TPD52L2: variants seen among roughly 807,000 people sequenced by gnomAD.
The protein encoded by TPD52L2 is TPD52 like 2.
Under a neutral mutation model 24.7 loss-of-function variants are expected in TPD52L2, and 19 were observed. The ratio of observed to expected loss-of-function variants is 0.77; its 90% CI spans 0.54 to 1.13. TPD52L2 has a LOEUF of 1.13. TPD52L2 is among the 50% of genes most tolerant of loss of function. The pLI is 0.00. For synonymous variants in TPD52L2, 104 were observed against 100.2 expected (o/e 1.04, Z -0.23); for missense variants, 236 against 250.4 (o/e 0.94, Z 0.39).
chr20:63,889,965 G>A lies in TPD52L2; in HGVS notation c.*20G>A, dbSNP rs751892471. On this transcript the variant is annotated 3_prime_UTR_variant, in exon 7 of 7. Coordinates refer to ENST00000346249, the MANE Select transcript of TPD52L2 (RefSeq NM_003288.4). The stretch of plus-strand genomic sequence containing the variant: ...TTCTAAGCCTGTGGTTGCTTCACCC[G>A]CTGCAGAGCACACGCAACCCAGCCT... 9 of 1,613,562 alleles carry A rather than the reference G, an allele frequency of 5.6e-6. No homozygotes were observed. In the African/African-American group the frequency reaches 6.7e-5, roughly 12 times the overall value.
chr20:63,883,366 C>T lies in TPD52L2; in HGVS notation c.476+546C>T, dbSNP rs73151739. Among the ~76,000 whole-genome samples, 264 of 152,298 alleles carry T rather than the reference C, an allele frequency of 1.7e-3. 1 individual carries two copies. Among genetic ancestry groups the T allele is most frequent in the Middle Eastern group, 0.017 (5 of 294 alleles). On this transcript the variant is annotated intron_variant, in intron 5 of 6. Transcript: ENST00000346249. ...GGCCAAGGAGTGAGCAGGGGGCCGGCGCTTTGTGGCTGGCATGTTTGCTCT... is the reference window on the plus strand; with the variant it reads ...GGCCAAGGAGTGAGCAGGGGGCCGGTGCTTTGTGGCTGGCATGTTTGCTCT...
At chr20:63,881,297 T>C (rs1335293018) in intron 4 of TPD52L2, among the ~76,000 whole-genome samples, 3 of 151,120 alleles carry the variant, frequency 2.0e-5, no homozygotes, top group African/African-American at 7.3e-5. Flanking sequence ...GAGGCGGAGG[T>C]TGTAGTGAGC....
In TPD52L2 at chr20:63,865,515, C is replaced by T. The variant is rs1233205779; in HGVS notation, c.19+131C>T. On this transcript the variant is annotated intron_variant, in intron 1 of 6. Coordinates refer to ENST00000346249, the MANE Select transcript of TPD52L2 (RefSeq NM_003288.4). ...CACCCACCCCGCGGCCCCTCTTCAG[C>T]TCCCGGGGCCACTGACCTCGAAGCT... The T allele has an allele frequency of 3.3e-6, 4 of 1,214,188 alleles. No homozygotes were observed. The African/African-American group carries it at 6.4e-5, about 19-fold the overall frequency. 75.2% of individuals were successfully genotyped at this position (1,214,188 alleles called of 1,614,324 possible). A position where few individuals can be genotyped will look rare whatever the true frequency, so the allele number is the denominator to read the frequency against.
In TPD52L2 at chr20:63,869,560, G is replaced by C; in HGVS notation, c.165+119G>C. The C allele has an allele frequency of 5.4e-6, 7 of 1,288,900 alleles. No individual in the cohort carries two copies. The Admixed American group carries it at 5.7e-5, about 11-fold the overall frequency. 79.8% of individuals were successfully genotyped at this position (1,288,900 alleles called of 1,614,324 possible). On this transcript the variant is annotated intron_variant, in intron 2 of 6. Coordinates refer to ENST00000346249, the MANE Select transcript of TPD52L2 (RefSeq NM_003288.4). The stretch of plus-strand genomic sequence containing the variant: ...ATTGCCCTGGGTGGTCACCTACCCT[G>C]CTCTGTGTTCCGACTGATAACGGGG...
chr20:63,884,906 C>T (rs901726140), intron 5 of TPD52L2, among the ~76,000 whole-genome samples: 1 of 152,194 alleles, frequency 6.6e-6, no homozygotes, highest in Non-Finnish European at 1.5e-5. Context: ...TCTTGCCCTG[C>T]TTGCTCCTCC....
intron 5 of TPD52L2, among the ~76,000 whole-genome samples, chr20:63,883,093 G>A (rs1159632865): frequency 1.3e-5 from 2 of 152,186 alleles, no homozygotes; most frequent in Non-Finnish European, 1.5e-5. Flanking sequence ...GGGTTGGTGA[G>A]GGAGGAGTCT....
At chr20:63,875,291 G>A (rs997851193) in intron 3 of TPD52L2, among the ~76,000 whole-genome samples, 1 of 152,060 alleles carries the variant, frequency 6.6e-6, no homozygotes, top group Non-Finnish European at 1.5e-5. Context: ...ATGTCGCTCA[G>A]CTCTGAATTT....
chr20:63,887,688 C>T lies in TPD52L2; in HGVS notation c.477-1502C>T, dbSNP rs115196082. 1,874 of 1,382,174 alleles carry T rather than the reference C, an allele frequency of 1.4e-3. 21 individuals carry two copies. In the African/African-American group the frequency reaches 0.024, roughly 18 times the overall value. 85.6% of individuals were successfully genotyped at this position (1,382,174 alleles called of 1,614,324 possible). On this transcript the variant is annotated intron_variant, in intron 5 of 6. Transcript: ENST00000346249. ...GCAGCTCCCGCCGGTTACACCTTGC[C>T]CTTCCCATATTCCTGGATTAATTGA...
At chr20:63,871,843 A>G (rs1269548488) in intron 2 of TPD52L2, among the ~76,000 whole-genome samples, 1 of 151,886 alleles carries the variant, frequency 6.6e-6, no homozygotes, top group African/African-American at 2.4e-5. Flanking sequence ...CATATTGGTC[A>G]GGCTGGTCTC....
chr20:63,884,162 G>T (rs904297967), intron 5 of TPD52L2, among the ~76,000 whole-genome samples: 5 of 152,236 alleles, frequency 3.3e-5, no homozygotes, highest in African/African-American at 9.6e-5. Flanking sequence ...ACCCTCACAC[G>T]CCCAAGGCTC....
At chr20:63,884,332 C>T (rs2053017075) in intron 5 of TPD52L2, among the ~76,000 whole-genome samples, 1 of 152,206 alleles carries the variant, frequency 6.6e-6, no homozygotes, top group Admixed American at 6.5e-5. Context: ...ATGCTGGTCT[C>T]ACCACAGAGC....
intron 5 of TPD52L2, chr20:63,887,403 G>A (rs1013811499): frequency 4.4e-5 from 37 of 846,458 alleles, no homozygotes; most frequent in South Asian, 1.4e-4. Context: ...CCCTGGGGTC[G>A]AGTTTCCTTC....
chr20:63,869,159 G>A, intron 1 of TPD52L2, 137 bp from the exon 2 acceptor site: 1 of 971,868 alleles, frequency 1.0e-6, no homozygotes, highest in Non-Finnish European at 1.6e-6. Context: ...TGTCCTCACA[G>A]ACCTTTCAGA....
At chr20:63,880,993 A>G (rs2052874413) in intron 4 of TPD52L2, among the ~76,000 whole-genome samples, 4 of 151,784 alleles carry the variant, frequency 2.6e-5, no homozygotes, top group African/African-American at 7.3e-5. Context: ...AAATTTAAAA[A>G]CAGCCATGAT....
chr20:63,884,531 C>A (rs951814290), intron 5 of TPD52L2, among the ~76,000 whole-genome samples: 1 of 152,218 alleles, frequency 6.6e-6, no homozygotes, highest in African/African-American at 2.4e-5. Flanking sequence ...GGGTTTTGAT[C>A]TGGGCATTTG....
chr20:63,865,818 TC>T (rs966960992), intron 1 of TPD52L2, among the ~76,000 whole-genome samples: 15 of 151,776 alleles, frequency 9.9e-5, no homozygotes, highest in African/African-American at 3.1e-4. Context: ...TGAGGGCGGC[TC>T]CCGAGCAGAG....
At chr20:63,873,554 A>C in intron 2 of TPD52L2, 114 bp from the exon 3 acceptor site, 1 of 1,183,362 alleles carries the variant, frequency 8.5e-7, no homozygotes. Context: ...TCCTAGGACG[A>C]GTTAATGCTT....
At chr20:63,883,294 G>A (rs1332830736) in intron 5 of TPD52L2, among the ~76,000 whole-genome samples, 1 of 152,202 alleles carries the variant, frequency 6.6e-6, no homozygotes, top group African/African-American at 2.4e-5. Context: ...CCCAGAGGCT[G>A]GTGAAAGCCT....
At chr20:63,868,900 C>T (rs2052359160) in intron 1 of TPD52L2, among the ~76,000 whole-genome samples, 1 of 152,262 alleles carries the variant, frequency 6.6e-6, no homozygotes, top group South Asian at 2.1e-4. Flanking sequence ...GAGATCGCAC[C>T]ATTGCACTCC....
Sources: allele counts gnomAD v4.1 joint callset (sites outside exome capture counted in the v4.1 genomes callset), GRCh38; gene constraint gnomAD v4.1.1; transcripts MANE v1.5; gene names NCBI Gene and HGNC (gene_info 2026-07-23, HGNC 2026-07-21).